EPB41: variants seen among roughly 807,000 people sequenced by gnomAD.
EPB41 encodes erythrocyte membrane protein band 4.1, also known as protein 4.1.
Under a neutral mutation model 108.0 loss-of-function variants are expected in EPB41, and 65 were observed. The observed-to-expected ratio is 0.60, with a 90% CI of 0.49 to 0.74. EPB41 has a LOEUF of 0.74. EPB41 is among the 30% of genes least tolerant of loss of function. The pLI, the probability that EPB41 is intolerant of heterozygous loss-of-function variation, is 0.00. For synonymous variants in EPB41, 336 were observed against 358.9 expected (o/e 0.94, Z 0.72); for missense variants, 875 against 1,037.0 (o/e 0.84, Z 2.15).
chr1:28,930,775 G>A (rs995642087), intron 1 of EPB41, among the ~76,000 whole-genome samples: 2 of 152,064 alleles, frequency 1.3e-5, no homozygotes, highest in African/African-American at 2.4e-5. Context: ...GTGAGCCACC[G>A]CACCTGGCCC....
At chr1:28,919,583 C>G (rs1160893119) in intron 1 of EPB41, among the ~76,000 whole-genome samples, 1 of 152,120 alleles carries the variant, frequency 6.6e-6, no homozygotes, top group Non-Finnish European at 1.5e-5. Context: ...TCCGCCTCAG[C>G]CTCCTGAGTA....
At chr1:28,935,126 CATAA>C (rs1341213387) in intron 1 of EPB41, among the ~76,000 whole-genome samples, 2 of 151,338 alleles carry the variant, frequency 1.3e-5, no homozygotes, top group African/African-American at 4.9e-5. Flanking sequence ...AAAGAAAAAG[CATAA>C]ATAAATAAAT....
rs533610478 is a variant in EPB41, at chr1:28,932,525, C to CT, written c.-8+17765dup. On this transcript the variant is annotated intron_variant, in intron 1 of 20. Coordinates refer to ENST00000343067, the MANE Select transcript of EPB41 (RefSeq NM_001376013.1). ...TCCTTTAAAAAAAAAAAGCAGATATCTTTTTTTTCCCAAATAATTCATGTT... is the reference window on the plus strand; with the variant it reads ...TCCTTTAAAAAAAAAAAGCAGATATCTTTTTTTTTCCCAAATAATTCATGTT... 1.5e-4 allele frequency among the ~76,000 whole-genome samples: 21 copies of CT among 140,758 alleles called. 1 individual carries two copies. In the South Asian group the frequency reaches 2.9e-3, roughly 20 times the overall value. 92.3% of individuals were successfully genotyped at this position (140,758 alleles called of 152,430 possible). A position where few individuals can be genotyped will look rare whatever the true frequency, so the allele number is the denominator to read the frequency against.
At chr1:28,897,361 G>C (rs2090776130) in intron 1 of EPB41, among the ~76,000 whole-genome samples, 1 of 151,792 alleles carries the variant, frequency 6.6e-6, no homozygotes, top group Non-Finnish European at 1.5e-5. Context: ...CAAGCCTAGG[G>C]AACATGGAGC....
intron 18 of EPB41, 21 bp from the exon 19 acceptor site, chr1:29,112,347 A>G (rs761668528): frequency 6.3e-7 from 1 of 1,592,538 alleles, no homozygotes; most frequent in South Asian, 1.1e-5. Context: ...ATCTCATATG[A>G]CATCTTCTCT....
At chr1:29,113,496 C>T (rs1269144969) in intron 19 of EPB41, among the ~76,000 whole-genome samples, 1 of 152,196 alleles carries the variant, frequency 6.6e-6, no homozygotes, top group Non-Finnish European at 1.5e-5. Context: ...CTCAGTGGGT[C>T]CCGCTGCTTT....
chr1:29,003,368 GCA>G (rs2096339469), intron 4 of EPB41, among the ~76,000 whole-genome samples: 1 of 152,180 alleles, frequency 6.6e-6, no homozygotes, highest in African/African-American at 2.4e-5. Flanking sequence ...TCCTCTAGTT[GCA>G]CAGTCAGTTT....
chr1:28,969,084 C>CTT (rs35558417), intron 1 of EPB41, among the ~76,000 whole-genome samples: 8 of 134,644 alleles, frequency 5.9e-5, no homozygotes, highest in Admixed American at 2.3e-4. Flanking sequence ...TCATGCCGTA[C>CTT]TTTTTTTTTT....
In EPB41 at chr1:28,992,242, T is replaced by C. The variant is rs149870500; in HGVS notation, c.469-1088T>C. On this transcript the variant is annotated intron_variant, in intron 2 of 20. Transcript: ENST00000343067. ...TAATGCAGGAGTCAAATAATTAATT[T>C]CTTTTTCCTAATTGTCAACCATGCA... Among the ~76,000 whole-genome samples the C allele has an allele frequency of 3.7e-3, 570 of 152,316 alleles. 6 individuals are homozygous for C. The highest frequency in any genetic ancestry group is 0.013 in the African/African-American group (528 of 41,556).
At chr1:29,097,284 A>G (rs1242923446) in intron 16 of EPB41, 1 of 164,550 alleles carries the variant, frequency 6.1e-6, no homozygotes, top group African/African-American at 2.4e-5. Context: ...TTTTCTTTCC[A>G]GTTTTCCAAA....
chr1:28,890,141 G>A (rs1176577251), intron 1 of EPB41, among the ~76,000 whole-genome samples: 6 of 151,954 alleles, frequency 3.9e-5, no homozygotes, highest in African/African-American at 9.7e-5. Flanking sequence ...GGATTCAAGC[G>A]ATTCTCTTGC....
chr1:29,019,155 C>T (rs1168394901), intron 7 of EPB41, among the ~76,000 whole-genome samples: 1 of 152,114 alleles, frequency 6.6e-6, no homozygotes, highest in Non-Finnish European at 1.5e-5. Flanking sequence ...ATGGCTCGCA[C>T]CTGAAATCCT....
intron 1 of EPB41, among the ~76,000 whole-genome samples, chr1:28,931,373 A>T (rs1419423658): frequency 8.3e-5 from 8 of 96,812 alleles, no homozygotes; most frequent in African/African-American, 5.5e-4. Context: ...CTCTGTCATT[A>T]AAAAAAAAAA....
chr1:28,992,726 C>T (rs925604086), intron 2 of EPB41, among the ~76,000 whole-genome samples: 1 of 152,074 alleles, frequency 6.6e-6, no homozygotes, highest in South Asian at 2.1e-4. Flanking sequence ...TCCTACTTAT[C>T]GGTATTATTT....
chr1:29,101,089 T>C (rs1291862369), intron 17 of EPB41, among the ~76,000 whole-genome samples: 1 of 151,982 alleles, frequency 6.6e-6, no homozygotes. Context: ...CCGGGCACGG[T>C]GGTGCATGCC....
intron 9 of EPB41, among the ~76,000 whole-genome samples, chr1:29,033,457 A>G (rs1396292794): frequency 6.6e-6 from 1 of 152,162 alleles, no homozygotes. Context: ...TTGTAAGTAA[A>G]TATACCATTG....
intron 16 of EPB41, among the ~76,000 whole-genome samples, chr1:29,091,849 C>T (rs954926607): frequency 3.3e-5 from 5 of 152,230 alleles, no homozygotes; most frequent in Admixed American, 2.6e-4. Context: ...CAGTTTGAGA[C>T]GCTTTTGAGT....
Position 29,097,862 on chromosome 1 carries a change from A to T in EPB41, c.2240A>T (p.Lys747Ile). The T allele has an allele frequency of 6.2e-7, 1 of 1,614,050 alleles. No homozygotes were observed. Among genetic ancestry groups the T allele is most frequent in the Admixed American group, 1.7e-5 (1 of 60,018 alleles). The change falls in exon 17 of 21, where the codon AAA becomes ATA. Residue 747 changes from lysine (K) to isoleucine (I), a missense_variant. By Grantham distance (102) the Lys-to-Ile change is moderately radical. This residue lies in a region of EPB41 where 519 missense variants were observed against 627.3 expected (regional missense o/e 0.83). Transcript: ENST00000343067. Reference sequence around the variant, plus strand: ...ATCTCAGATAATGCCAATGCTGTGAAAAGTGAAATCCCAACCAAAGACGTC... The same window carrying T: ...ATCTCAGATAATGCCAATGCTGTGATAAGTGAAATCCCAACCAAAGACGTC... ...VTISDNANAV[K>I]SEIPTKDVPI...
chr1:29,081,652 A>G (rs552310543), intron 16 of EPB41, among the ~76,000 whole-genome samples: 2 of 152,278 alleles, frequency 1.3e-5, no homozygotes, highest in African/African-American at 4.8e-5. Context: ...TCTGACCAAC[A>G]TCGAGAAACC....
Sources: gnomAD v4.1 joint callset for allele counts (sites outside exome capture counted in the v4.1 genomes callset) on GRCh38, gnomAD v4.1.1 for gene constraint, gnomAD v4.1.1 regional missense constraint, MANE v1.5 for transcripts, NCBI Gene and HGNC (gene_info 2026-07-23, HGNC 2026-07-21) for gene names.